LRP8: variants seen among roughly 807,000 people sequenced by gnomAD.
LRP8 encodes LDL receptor related protein 8.
A neutral mutation model predicts 111.6 loss-of-function variants in LRP8; 46 were observed. The ratio of observed to expected loss-of-function variants is 0.41; its 90% CI spans 0.33 to 0.53. The LOEUF is 0.53. Ranked by LOEUF, LRP8 falls within the 20% of genes least tolerant of loss-of-function variation. The probability of loss-of-function intolerance (pLI) is 0.20; values close to 1 mark genes in which losing one functional copy is unlikely to be tolerated. For missense variants in LRP8, 959 were observed against 1,297.4 expected (o/e 0.74, Z 4.01); for synonymous variants, 464 against 511.2 (o/e 0.91, Z 1.24).
intron 1 of LRP8, chr1:53,327,420 G>A (rs74083937): frequency 1.3e-3 from 355 of 263,384 alleles, no homozygotes; most frequent in African/African-American, 7.8e-3. Flanking sequence ...ATTGTCAAGC[G>A]GAGAAGCCGC....
chr1:53,325,173 T>C (rs1041140935), intron 2 of LRP8, among the ~76,000 whole-genome samples: 1 of 152,214 alleles, frequency 6.6e-6, no homozygotes, highest in Non-Finnish European at 1.5e-5. Context: ...ACAGCCATTT[T>C]CATAACCTCA....
intron 2 of LRP8, among the ~76,000 whole-genome samples, chr1:53,316,001 C>A (rs1653745548): frequency 6.6e-6 from 1 of 152,190 alleles, no homozygotes; most frequent in Non-Finnish European, 1.5e-5. Flanking sequence ...GCTCAAGCCA[C>A]ATGGGCTGCC....
chr1:53,254,394 C>T (rs540945051), intron 16 of LRP8, among the ~76,000 whole-genome samples: 6 of 152,060 alleles, frequency 3.9e-5, no homozygotes, highest in Admixed American at 3.9e-4. Flanking sequence ...TCCTCCCTCA[C>T]TTGGCTGACC....
rs998345233 is a variant in LRP8 at position 53,275,111 on chromosome 1, G to C, written c.1006+520C>G. ...GAGGACCAGGCAGCAGCTCTAGAGAGACCTTAGAGGCTGGACTGATCATCT... is the reference window on the plus strand; with the variant it reads ...GAGGACCAGGCAGCAGCTCTAGAGACACCTTAGAGGCTGGACTGATCATCT... On this transcript the variant is annotated intron_variant, in intron 6 of 18. Transcript: ENST00000306052. This position sits in a 1 kb window ranked among gnomAD's most constrained non-coding sequence, Gnocchi z 4.4. Among the ~76,000 whole-genome samples the C allele has an allele frequency of 5.9e-5, 9 of 152,202 alleles. No individual in the cohort carries two copies. The highest frequency in any genetic ancestry group is 2.2e-4 in the African/African-American group (9 of 41,452).
At position 53,260,469 on chromosome 1, in the gene LRP8, G is replaced by T. The variant is rs1321414273; in HGVS notation, c.2051C>A (p.Pro684Gln). ...TAGGACCAGAGACAGCTCACCTCTT[G>T]GCTGCTTCAGCTCATGGAAGATGAC... ...DIVIFHELKQ[P>Q]RAPDACELSV... Residue 684 changes from proline (P) to glutamine (Q), a missense_variant, in exon 13 of 19, where the codon CCA becomes CAA. By Grantham distance (76) the Pro-to-Gln change is moderately conservative. Transcript: ENST00000306052. 1.2e-6 allele frequency: 2 copies of T among 1,614,052 alleles called. No homozygotes were observed. The highest frequency in any genetic ancestry group is 4.5e-5 in the East Asian group (2 of 44,878).
intron 16 of LRP8, among the ~76,000 whole-genome samples, chr1:53,253,409 T>C (rs1457698472): frequency 1.3e-5 from 2 of 152,090 alleles, no homozygotes; most frequent in Non-Finnish European, 2.9e-5. Context: ...AAGAAAAAGA[T>C]AGCCAATAGA....
chr1:53,259,850 G>A (rs1299716545), intron 13 of LRP8, among the ~76,000 whole-genome samples: 1 of 152,132 alleles, frequency 6.6e-6, no homozygotes, highest in Admixed American at 6.5e-5. Context: ...AAATTTCTAG[G>A]TCTAGAATCA....
Position 53,301,574 on chromosome 1 carries a change from A to T in LRP8, c.245-11885T>A, listed in dbSNP as rs116689622. Among the ~76,000 whole-genome samples, 841 of 151,988 alleles carry T rather than the reference A, an allele frequency of 5.5e-3. 6 individuals are homozygous for T. Among genetic ancestry groups the T allele is most frequent in the African/African-American group, 0.019 (808 of 41,452 alleles). On this transcript the variant is annotated intron_variant, in intron 2 of 18. Coordinates refer to ENST00000306052, the MANE Select transcript of LRP8 (RefSeq NM_004631.5). ...CCATCTCTACAACAACAAAAATACC[A>T]AAAAAAATTAGCTGGGCATGGTGGT...
At chr1:53,264,699 A>T (rs1448128626) in intron 9 of LRP8, among the ~76,000 whole-genome samples, 1 of 152,184 alleles carries the variant, frequency 6.6e-6, no homozygotes, top group East Asian at 1.9e-4. Flanking sequence ...AGGCATGGAG[A>T]CTGCCTCATC....
intron 14 of LRP8, 85 bp downstream of exon 14, chr1:53,258,234 A>T: frequency 7.2e-7 from 1 of 1,383,556 alleles, no homozygotes; most frequent in Non-Finnish European, 9.9e-7. Context: ...CCAGCAGCAT[A>T]CTGTGTCCCA....
At chr1:53,288,781 C>T (rs929024184) in intron 3 of LRP8, among the ~76,000 whole-genome samples, 1 of 152,216 alleles carries the variant, frequency 6.6e-6, no homozygotes, top group African/African-American at 2.4e-5. Context: ...AGCTCTGCCT[C>T]TGGACTGCTG....
At chr1:53,248,434 T>C (rs1645792881) in intron 18 of LRP8, among the ~76,000 whole-genome samples, 1 of 152,182 alleles carries the variant, frequency 6.6e-6, no homozygotes. Flanking sequence ...GTTGAGAATA[T>C]TGATTTCCAG....
At chr1:53,318,487 C>T (rs17108323) in intron 2 of LRP8, among the ~76,000 whole-genome samples, 6,947 of 152,102 alleles carry the variant, frequency 0.046, 402 homozygotes, top group African/African-American at 0.13. Flanking sequence ...GAGAGCAGAA[C>T]GGCAATGATG....
At chr1:53,247,105 A>G in intron 18 of LRP8, 49 bp from the exon 19 acceptor site, 2 of 1,464,712 alleles carry the variant, frequency 1.4e-6, no homozygotes, top group Non-Finnish European at 1.9e-6. Flanking sequence ...AAGAGTTACT[A>G]TTTATTTAGT....
Position 53,301,331 on chromosome 1 carries a change from C to T in LRP8, c.245-11642G>A, listed in dbSNP as rs531603715. Among the ~76,000 whole-genome samples the T allele has an allele frequency of 3.3e-5, 5 of 152,308 alleles. No individual in the cohort carries two copies. In the East Asian group the frequency reaches 9.6e-4, roughly 29 times the overall value. On this transcript the variant is annotated intron_variant, in intron 2 of 18. Transcript: ENST00000306052. ...TTGAGTGACAGGTTTGAGACTCCAT[C>T]CCCAGTCCCTCGGCCTGGCTCCTCA...
At chr1:53,305,618 C>A (rs1469122270) in intron 2 of LRP8, among the ~76,000 whole-genome samples, 1 of 152,232 alleles carries the variant, frequency 6.6e-6, no homozygotes, top group African/African-American at 2.4e-5. Context: ...GTGCAGGCTA[C>A]TTCAGAAGCC....
chr1:53,272,702 G>A (rs1163031232), intron 6 of LRP8: 1 of 1,284,654 alleles, frequency 7.8e-7, no homozygotes, highest in Non-Finnish European at 1.0e-6. Context: ...ACTCAGCCAG[G>A]CCCAGCCCTG....
In LRP8 at chr1:53,242,719, CA is replaced by C. The variant is rs1645664046; in HGVS notation, c.*4298del. The C allele has an allele frequency of 2.0e-5, 3 of 151,740 alleles. No homozygotes were observed. The allele number at this position is 151,740 out of a possible 1,614,324, so 9.4% of individuals were successfully genotyped here. A position where few individuals can be genotyped will look rare whatever the true frequency, so the allele number is the denominator to read the frequency against. On this transcript the variant is annotated 3_prime_UTR_variant, in exon 19 of 19. Transcript: ENST00000306052. ...AGTTTGCAAATCAGCACTTTACCCC[CA>C]AATTAACAACAGCTTGTATGGAAAA...
In LRP8 at chr1:53,280,735, T is replaced by G; in HGVS notation, c.368-20A>C. The G allele has an allele frequency of 6.2e-7, 1 of 1,609,186 alleles. No homozygotes were observed. The highest frequency in any genetic ancestry group is 1.1e-5 in the South Asian group (1 of 91,064). ...GCTTGGCTGTGGAGACAGACGTCCA[T>G]GCATAGCTTAGCCAAGGGGGACACA... On this transcript the variant is annotated intron_variant, in intron 3 of 18. Transcript: ENST00000306052.
Sources: gnomAD v4.1 joint callset for allele counts (sites outside exome capture counted in the v4.1 genomes callset) on GRCh38, gnomAD v4.1.1 for gene constraint, Gnocchi (gnomAD v3.1) non-coding constraint, MANE v1.5 for transcripts, NCBI Gene and HGNC (gene_info 2026-07-23, HGNC 2026-07-21) for gene names.